Variants in CDH6 observed in about 807,000 individuals in gnomAD.
CDH6 encodes cadherin-6.
In CDH6, 31 loss-of-function variants were observed where a neutral mutation model predicts 78.0. That is an observed-to-expected ratio of 0.40 (90% CI 0.30 to 0.54). CDH6 has a LOEUF of 0.54. Among genes scored for constraint, CDH6 ranks in the 20% least tolerant of loss-of-function variants. The pLI, the probability that CDH6 is intolerant of heterozygous loss-of-function variation, is 0.56. For missense variants in CDH6, 724 were observed against 975.9 expected (o/e 0.74, Z 3.44); for synonymous variants, 376 against 368.8 (o/e 1.02, Z -0.23).
intron 1 of CDH6, among the ~76,000 whole-genome samples, chr5:31,248,569 G>A (rs1262935560): frequency 4.6e-5 from 7 of 152,100 alleles, no homozygotes; most frequent in Non-Finnish European, 1.0e-4. Context: ...GAGACTTCGG[G>A]TTAACACTAC....
intron 1 of CDH6, among the ~76,000 whole-genome samples, chr5:31,212,403 T>A (rs1187695383): frequency 6.6e-6 from 1 of 152,206 alleles, no homozygotes; most frequent in African/African-American, 2.4e-5. Flanking sequence ...TGTACAAATA[T>A]AATGTGCCAC....
At chr5:31,203,292 AT>A (rs1740418013) in intron 1 of CDH6, among the ~76,000 whole-genome samples, 1 of 141,714 alleles carries the variant, frequency 7.1e-6, no homozygotes, top group Non-Finnish European at 1.5e-5. Flanking sequence ...ACATGTGCAC[AT>A]TGTGCAGGTT....
At chr5:31,232,124 A>G (rs1741327136) in intron 1 of CDH6, among the ~76,000 whole-genome samples, 1 of 152,150 alleles carries the variant, frequency 6.6e-6, no homozygotes, top group Non-Finnish European at 1.5e-5. Flanking sequence ...CTCACTCTTT[A>G]ATTAGAAATG....
chr5:31,252,328 G>GGTGTGTGTGT (rs5867065), intron 1 of CDH6, among the ~76,000 whole-genome samples: 14,597 of 148,950 alleles, frequency 0.098, 807 homozygotes, highest in African/African-American at 0.13. Context: ...ATGTGTGTGT[G>GGTGTGTGTGT]GTGTGTGTGT....
In CDH6 at chr5:31,326,706, T is replaced by C. The variant is rs1263126586; in HGVS notation, c.*3398T>C. 1 of 155,380 alleles carries C rather than the reference T, an allele frequency of 6.4e-6. No individual in the cohort carries two copies. Among genetic ancestry groups the C allele is most frequent in the African/African-American group, 2.9e-5 (1 of 34,610 alleles). 9.6% of individuals were successfully genotyped at this position (155,380 alleles called of 1,614,324 possible). ...ATTTTTTTTTTTTTTTTTTTTTTTT[T>C]TTTGAGACAGAATCTCGCTCTGTCG... On this transcript the variant is annotated 3_prime_UTR_variant, in exon 12 of 12. Coordinates refer to ENST00000265071, the MANE Select transcript of CDH6 (RefSeq NM_004932.4).
intron 1 of CDH6, among the ~76,000 whole-genome samples, chr5:31,218,897 C>A (rs1256571821): frequency 6.6e-6 from 1 of 152,188 alleles, no homozygotes; most frequent in African/African-American, 2.4e-5. Flanking sequence ...TTTCCTAGCA[C>A]ACTCTGCTTC....
Position 31,305,206 on chromosome 5 carries a change from C to T in CDH6, c.1032C>T (p.Thr344=). ...LLDFEKKKVY[T]LKVEASNPYV... ...ACTTTGAAAAGAAGAAAGTGTATAC[C>T]CTTAAAGTGGAAGCCTCCAATCCTT... Residue 344 remains threonine, a synonymous_variant, in exon 7 of 12, where the codon ACC becomes ACT. Transcript: ENST00000265071. The T allele has an allele frequency of 6.2e-7, 1 of 1,613,982 alleles. No individual in the cohort carries two copies. Among genetic ancestry groups the T allele is most frequent in the Non-Finnish European group, 8.5e-7 (1 of 1,179,944 alleles).
intron 1 of CDH6, among the ~76,000 whole-genome samples, chr5:31,215,762 T>C (rs1294039221): frequency 1.3e-5 from 2 of 152,142 alleles, no homozygotes; most frequent in East Asian, 1.9e-4. Flanking sequence ...CTAACATTAT[T>C]AGGAAGATTG....
intron 2 of CDH6, among the ~76,000 whole-genome samples, chr5:31,268,727 C>T (rs1249809147): frequency 1.3e-5 from 2 of 152,166 alleles, no homozygotes; most frequent in East Asian, 1.9e-4. Context: ...AAAAAACATA[C>T]ACTTTGCAGA....
intron 7 of CDH6, among the ~76,000 whole-genome samples, chr5:31,307,774 T>A (rs1238161530): frequency 6.6e-6 from 1 of 152,220 alleles, no homozygotes; most frequent in African/African-American, 2.4e-5. Flanking sequence ...AACTTTTTTT[T>A]AATTAAAAGA....
rs1200945823 is a variant in CDH6, at chr5:31,294,299, G to C, written c.523+43G>C. ...TCAGCCAAAAGCTGGCTTTCCCCTA[G>C]TGCATCCACTGAGTAAGGAATCCCA... On this transcript the variant is annotated intron_variant, in intron 3 of 11. Coordinates refer to ENST00000265071, the MANE Select transcript of CDH6 (RefSeq NM_004932.4). This position sits in a 1 kb window ranked among gnomAD's most constrained non-coding sequence, Gnocchi z 4.1. The C allele has an allele frequency of 2.6e-6, 4 of 1,534,784 alleles. No homozygotes were observed. Among genetic ancestry groups the C allele is most frequent in the Non-Finnish European group, 2.7e-6 (3 of 1,123,604 alleles).
In CDH6 at chr5:31,324,872, C is replaced by T. The variant is rs1197118570; in HGVS notation, c.*1564C>T. On this transcript the variant is annotated 3_prime_UTR_variant, in exon 12 of 12. Coordinates refer to ENST00000265071, the MANE Select transcript of CDH6 (RefSeq NM_004932.4). ...CTTGTGCAGTCATCAGAAATTCCAGCGTACTATAATGAAAACATCCTTGTT... is the reference window on the plus strand; with the variant it reads ...CTTGTGCAGTCATCAGAAATTCCAGTGTACTATAATGAAAACATCCTTGTT... 1 of 202,630 alleles carries T rather than the reference C, an allele frequency of 4.9e-6. No individual in the cohort carries two copies. The highest frequency in any genetic ancestry group is 2.3e-5 in the African/African-American group (1 of 43,632). 12.6% of individuals were successfully genotyped at this position (202,630 alleles called of 1,614,324 possible). A position where few individuals can be genotyped will look rare whatever the true frequency, so the allele number is the denominator to read the frequency against.
At chr5:31,260,054 G>A (rs562663338) in intron 1 of CDH6, among the ~76,000 whole-genome samples, 5 of 152,280 alleles carry the variant, frequency 3.3e-5, no homozygotes, top group African/African-American at 9.6e-5. Flanking sequence ...CTTAATTGTA[G>A]AATAAAAGGC....
intron 2 of CDH6, among the ~76,000 whole-genome samples, chr5:31,276,517 G>A (rs919675569): frequency 2.0e-5 from 3 of 152,292 alleles, no homozygotes; most frequent in South Asian, 2.1e-4. Context: ...AGTGATAAGG[G>A]CATAATAAAA....
At chr5:31,199,685 G>GTGTATATA (rs796740950) in intron 1 of CDH6, among the ~76,000 whole-genome samples, 2,235 of 79,656 alleles carry the variant, frequency 0.028, 70 homozygotes, top group Middle Eastern at 0.049. Context: ...GTGTGTGTGT[G>GTGTATATA]TATATATATA....
chr5:31,199,709 ATATATATC>A lies in CDH6; in HGVS notation c.-129+5825_-129+5832del, dbSNP rs1487152547. Among the ~76,000 whole-genome samples, 47 of 136,980 alleles carry A rather than the reference ATATATATC, an allele frequency of 3.4e-4. 3 individuals carry two copies. The highest frequency in any genetic ancestry group is 1.2e-3 in the African/African-American group (42 of 35,986). The allele number at this position is 136,980 out of a possible 152,430, so 89.9% of individuals were successfully genotyped here. A position where few individuals can be genotyped will look rare whatever the true frequency, so the allele number is the denominator to read the frequency against. On this transcript the variant is annotated intron_variant, in intron 1 of 11. Transcript: ENST00000265071. ...TGTATATATATATATATATATATAT[ATATATATC>A]TCAAAGATAAAAAGCACTCACCAGT...
intron 2 of CDH6, among the ~76,000 whole-genome samples, chr5:31,271,611 G>A (rs1742533727): frequency 6.6e-6 from 1 of 152,202 alleles, no homozygotes; most frequent in African/African-American, 2.4e-5. Context: ...AGGATAGGAA[G>A]AAATAAGTGG....
intron 1 of CDH6, among the ~76,000 whole-genome samples, chr5:31,229,109 C>T (rs1313172281): frequency 1.3e-5 from 2 of 152,200 alleles, no homozygotes; most frequent in Non-Finnish European, 2.9e-5. Context: ...GTACCAACTG[C>T]CCAAACTATA....
In CDH6 at chr5:31,202,056, A is replaced by G. The variant is rs550652180; in HGVS notation, c.-129+8170A>G. On this transcript the variant is annotated intron_variant, in intron 1 of 11. Coordinates refer to ENST00000265071, the MANE Select transcript of CDH6 (RefSeq NM_004932.4). ...AAGTTTTAAATTTATATCTAACTCT[A>G]TAAGCCGGAACAAACACAGCCCACC... Among the ~76,000 whole-genome samples the G allele has an allele frequency of 2.6e-5, 4 of 152,310 alleles. 1 individual carries two copies. The South Asian group carries it at 6.2e-4, about 24-fold the overall frequency.
Sources: allele counts gnomAD v4.1 joint callset (sites outside exome capture counted in the v4.1 genomes callset), GRCh38; gene constraint gnomAD v4.1.1; non-coding constraint Gnocchi (gnomAD v3.1); transcripts MANE v1.5; gene names NCBI Gene and HGNC (gene_info 2026-07-23, HGNC 2026-07-21).